The following RP1 variants were observed in gnomAD, a reference collection of about 807,000 sequenced individuals.
RP1 encodes RP1 axonemal microtubule associated, also known as oxygen-regulated protein 1.
A neutral mutation model predicts 14.8 loss-of-function variants in RP1; 16 were observed. That is an observed-to-expected ratio of 1.08 (90% CI 0.73 to 1.65). The LOEUF (loss-of-function observed/expected upper bound fraction) is 1.65. Among genes scored for constraint, RP1 ranks in the 40% most tolerant of loss-of-function variants. The pLI, the probability that RP1 is intolerant of heterozygous loss-of-function variation, is 0.00. For synonymous variants in RP1, 876 were observed against 883.6 expected, an observed-to-expected ratio of 0.99 and a Z score of 0.15; for missense variants, 2,631 against 2,535.0, an observed-to-expected ratio of 1.04 and a Z score of -0.81.
At chr8:54,726,727 G>A (rs997609983) in intron 17 of RP1, among the ~76,000 whole-genome samples, 11 of 151,964 alleles carry the variant, frequency 7.2e-5, no homozygotes, top group African/African-American at 2.4e-4. Flanking sequence ...AAAGAAGATA[G>A]TATTAAATTA....
intron 7 of RP1, among the ~76,000 whole-genome samples, chr8:54,671,668 C>A (rs910976155): frequency 6.6e-6 from 1 of 152,060 alleles, no homozygotes; most frequent in Non-Finnish European, 1.5e-5. Context: ...TGTAGAATTT[C>A]TGTTTTGTTC....
intron 24 of RP1, among the ~76,000 whole-genome samples, chr8:54,812,794 T>TATCTATCTATCTATCTATC (rs1811039201): frequency 1.3e-5 from 2 of 150,742 alleles, no homozygotes; most frequent in African/African-American, 2.5e-5. Context: ...TCTATCTATC[T>TATCTATCTATCTATCTATC]ATCTATCTAT....
intron 7 of RP1, chr8:54,663,960 T>C: frequency 9.4e-7 from 1 of 1,063,800 alleles, no homozygotes; most frequent in East Asian, 2.8e-5. Flanking sequence ...AGTTTAGTAA[T>C]GTTAAGTATA....
At chr8:54,563,451 C>T (rs1318268654) in intron 1 of RP1, among the ~76,000 whole-genome samples, 1 of 152,178 alleles carries the variant, frequency 6.6e-6, no homozygotes, top group East Asian at 1.9e-4. Context: ...AAATATCTCC[C>T]TTGCAGAGGT....
chr8:54,630,679 T>A lies in RP1; in HGVS notation c.*326T>A, dbSNP rs1042699516. ...CTAAGGACAAGAATTATATCCTTTT[T>A]AAAAAATGTTGTTAGCTTGGTGTAA... On this transcript the variant is annotated 3_prime_UTR_variant, in exon 4 of 4. Coordinates refer to ENST00000220676, the MANE Select transcript of RP1 (RefSeq NM_006269.2). 9.0e-7 allele frequency: 1 copy of A among 1,108,214 alleles called. No individual in the cohort carries two copies. The highest frequency in any genetic ancestry group is 1.1e-6 in the Non-Finnish European group (1 of 906,968). 68.6% of individuals were successfully genotyped at this position (1,108,214 alleles called of 1,614,324 possible). A position where few individuals can be genotyped will look rare whatever the true frequency, so the allele number is the denominator to read the frequency against.
intron 16 of RP1, among the ~76,000 whole-genome samples, chr8:54,725,554 A>G (rs1336017780): frequency 6.6e-6 from 1 of 152,222 alleles, no homozygotes; most frequent in South Asian, 2.1e-4. Context: ...TGAGGTTGTT[A>G]TGCTTTCTTA....
chr8:54,563,288 C>T (rs769528598), intron 1 of RP1, among the ~76,000 whole-genome samples: 13 of 152,162 alleles, frequency 8.5e-5, no homozygotes, highest in Admixed American at 2.6e-4. Flanking sequence ...CAGGAAATTC[C>T]TCAGGGACAC....
At position 54,627,589 on chromosome 8, in the gene RP1, A is replaced by T; in HGVS notation, c.3707A>T (p.Asp1236Val). The T allele has an allele frequency of 3.1e-6, 5 of 1,614,184 alleles. No homozygotes were observed. In the South Asian group the frequency reaches 5.5e-5, roughly 18 times the overall value. The change falls in exon 4 of 4, where the codon GAT (aspartate) becomes GTT (valine). Residue 1236 changes from aspartate to valine, a missense_variant. Physicochemically the swap from Asp to Val is radical, Grantham distance 152. Transcript: ENST00000220676. ...NERTQGISSL[D>V]GGCSASEACA... ...AGAACACAAGGAATCTCCTCTTTGG[A>T]TGGAGGTTGCTCTGCCAGTGAGGCA...
intron 24 of RP1, among the ~76,000 whole-genome samples, chr8:54,827,666 A>G (rs1186894401): frequency 6.6e-6 from 1 of 152,090 alleles, no homozygotes; most frequent in Non-Finnish European, 1.5e-5. Context: ...AGAGAGGCCG[A>G]GACGGCAGAT....
intron 5 of RP1, among the ~76,000 whole-genome samples, chr8:54,655,246 C>T (rs1481699347): frequency 6.6e-6 from 1 of 152,188 alleles, no homozygotes; most frequent in African/African-American, 2.4e-5. Flanking sequence ...ATTACCCTTG[C>T]ACACTGGCAT....
chr8:54,858,139 T>C (rs915444919), intron 27 of RP1, among the ~76,000 whole-genome samples: 5 of 152,198 alleles, frequency 3.3e-5, no homozygotes, highest in Admixed American at 3.3e-4. Context: ...TGATTTTCAG[T>C]AAATCTCTTT....
intron 17 of RP1, among the ~76,000 whole-genome samples, chr8:54,732,241 A>G (rs1808810900): frequency 6.6e-6 from 1 of 152,134 alleles, no homozygotes; most frequent in African/African-American, 2.4e-5. Context: ...TCCAGCACTA[A>G]GGTTTCCTCT....
intron 24 of RP1, among the ~76,000 whole-genome samples, chr8:54,807,664 ATCTATCTAT>A (rs1408892484): frequency 3.6e-5 from 2 of 55,572 alleles, no homozygotes; most frequent in East Asian, 5.9e-4. Flanking sequence ...CTATCTATCT[ATCTATCTAT>A]CTATTTATCT....
intron 15 of RP1, chr8:54,720,008 C>T: frequency 1.2e-6 from 1 of 810,390 alleles, no homozygotes; most frequent in Non-Finnish European, 1.9e-6. Context: ...CGTAAAAAGG[C>T]TCTAGATTTA....
intron 3 of RP1, among the ~76,000 whole-genome samples, chr8:54,644,536 A>G (rs1356486182): frequency 1.3e-5 from 2 of 152,172 alleles, no homozygotes; most frequent in Non-Finnish European, 2.9e-5. Flanking sequence ...GTCTCTATTT[A>G]TGGCTTCTGC....
In RP1 at chr8:54,624,991, C is replaced by T. The variant is rs536955534; in HGVS notation, c.1109C>T (p.Pro370Leu). Residue 370 changes from proline to leucine, a missense_variant, in exon 4 of 4, where the codon CCA becomes CTA. By Grantham distance (98) the Pro-to-Leu change is moderately conservative. Transcript: ENST00000220676. ...GATGAAAAGAGTGAGATGAGTTTTCCAGGAAGAACAGAAAGTCGATCATCT... is the reference window on the plus strand; with the variant it reads ...GATGAAAAGAGTGAGATGAGTTTTCTAGGAAGAACAGAAAGTCGATCATCT... The part of the protein sequence containing the change: ...NNDEKSEMSF[P>L]GRTESRSSGL... The T allele has an allele frequency of 1.9e-6, 3 of 1,614,082 alleles. No homozygotes were observed. The highest frequency in any genetic ancestry group is 2.7e-5 in the African/African-American group (2 of 75,022).
At position 54,630,529 on chromosome 8, in the gene RP1, GT is replaced by G. The variant is rs140712625; in HGVS notation, c.*181del. 3 of 1,369,174 alleles carry G rather than the reference GT, an allele frequency of 2.2e-6. No homozygotes were observed. Among genetic ancestry groups the G allele is most frequent in the Non-Finnish European group, 2.8e-6 (3 of 1,064,440 alleles). The allele number at this position is 1,369,174 out of a possible 1,614,324, so 84.8% of individuals were successfully genotyped here. On this transcript the variant is annotated 3_prime_UTR_variant, in exon 4 of 4. Coordinates refer to ENST00000220676, the MANE Select transcript of RP1 (RefSeq NM_006269.2). ...GACTTTCATAATGTCTCTGTTTTTT[GT>G]TTTTCCAACAATTACAGACTCAGGT...
intron 25 of RP1, among the ~76,000 whole-genome samples, chr8:54,849,623 C>T (rs1194659266): frequency 6.6e-6 from 1 of 152,168 alleles, no homozygotes; most frequent in Non-Finnish European, 1.5e-5. Context: ...TTAACAAACA[C>T]TTAGCAAAAA....
rs1451606134 is a variant in RP1, at chr8:54,757,055, C to T, written c.3093+1285C>T. Among the ~76,000 whole-genome samples the T allele has an allele frequency of 2.6e-5, 4 of 152,140 alleles. No individual in the cohort carries two copies. The East Asian group carries it at 7.7e-4, about 29-fold the overall frequency. On this transcript the variant is annotated intron_variant, in intron 21 of 22. Coordinates refer to the RP1 transcript ENST00000636932. The stretch of plus-strand genomic sequence containing the variant: ...TCAGAGATGTAAAAGTGTTTTTCTT[C>T]CCTGGTTCATTTTAGATTTTACATT...
Sources: gnomAD v4.1 joint callset for allele counts (sites outside exome capture counted in the v4.1 genomes callset) on GRCh38, gnomAD v4.1.1 for gene constraint, MANE v1.5 for transcripts, NCBI Gene and HGNC (gene_info 2026-07-23, HGNC 2026-07-21) for gene names.